The following NINL variants were observed in gnomAD, a reference collection of about 807,000 sequenced individuals.
NINL encodes ninein like, also known as ninein-like protein.
Under a neutral mutation model 160.3 loss-of-function variants are expected in NINL, and 153 were observed. The observed-to-expected ratio is 0.95, with a 90% confidence interval of 0.84 to 1.09. The LOEUF (loss-of-function observed/expected upper bound fraction) is 1.09. Ranked by LOEUF, NINL falls within the 50% of genes least tolerant of loss-of-function variation. NINL has a pLI of 0.00. For synonymous variants in NINL, 800 were observed against 734.8 expected, an observed-to-expected ratio of 1.09 and a Z score of -1.43; for missense variants, 1,829 against 1,764.0, an observed-to-expected ratio of 1.04 and a Z score of -0.66.
intron 1 of NINL, among the ~76,000 whole-genome samples, chr20:25,532,127 C>T (rs1404551108): frequency 1.3e-5 from 2 of 152,188 alleles, no homozygotes; most frequent in Non-Finnish European, 2.9e-5. Context: ...AAGGAAAGAC[C>T]CTGCCATGGC....
chr20:25,562,435 T>C (rs62211506), intron 1 of NINL, among the ~76,000 whole-genome samples: 1 of 122,090 alleles, frequency 8.2e-6, no homozygotes, highest in Non-Finnish European at 1.7e-5. Context: ...AGACTTTTCA[T>C]TTTGTTCTGT....
At chr20:25,475,794 G>A (rs1204914424) in intron 17 of NINL, among the ~76,000 whole-genome samples, 3 of 152,296 alleles carry the variant, frequency 2.0e-5, no homozygotes, top group Admixed American at 2.0e-4. Context: ...CGGAAGGTGG[G>A]TTCAGGACCC....
intron 17 of NINL, among the ~76,000 whole-genome samples, chr20:25,475,597 C>A (rs144265913): frequency 5.5e-4 from 84 of 152,284 alleles, no homozygotes; most frequent in Non-Finnish European, 1.0e-3. Flanking sequence ...GAGGGCCGGG[C>A]GCAGTGGCTC....
chr20:25,496,588 C>A (rs1419397557), intron 10 of NINL, 75 bp downstream of exon 10: 2 of 1,560,816 alleles, frequency 1.3e-6, no homozygotes, highest in Non-Finnish European at 8.7e-7. Flanking sequence ...CCCTGGCAGC[C>A]CTGTGTCCAC....
At chr20:25,517,882 C>A in intron 2 of NINL, 33 bp from the exon 3 acceptor site, 1 of 1,380,972 alleles carries the variant, frequency 7.2e-7, no homozygotes, top group Admixed American at 2.1e-5. Context: ...AGGACAATGT[C>A]ACTTTCAACA....
At chr20:25,490,563 GAAA>G (rs59001259) in intron 11 of NINL, among the ~76,000 whole-genome samples, 1 of 79,782 alleles carries the variant, frequency 1.3e-5, no homozygotes, top group Non-Finnish European at 2.7e-5. Context: ...CCATCTCAAG[GAAA>G]AAAAAAAAAA....
At chr20:25,530,120 A>C (rs1449852654) in intron 1 of NINL, among the ~76,000 whole-genome samples, 1 of 152,234 alleles carries the variant, frequency 6.6e-6, no homozygotes, top group Non-Finnish European at 1.5e-5. Context: ...CATATAAAAT[A>C]AAGAACATAA....
intron 21 of NINL, 185 bp from the exon 22 acceptor site, chr20:25,458,714 C>CA: frequency 3.1e-6 from 2 of 640,678 alleles, no homozygotes; most frequent in Non-Finnish European, 5.3e-6. Context: ...AGGCTGCTGT[C>CA]AGCCAGCGCT....
chr20:25,486,275 TCTGAATA>T (rs1341201520), intron 13 of NINL, among the ~76,000 whole-genome samples: 1 of 152,194 alleles, frequency 6.6e-6, no homozygotes, highest in African/African-American at 2.4e-5. Flanking sequence ...AGGGGAAATA[TCTGAATA>T]AATAGGTTAG....
rs368994758 is a variant in NINL at position 25,512,879 on chromosome 20, G to C, written c.405C>G (p.Ser135Arg). The change falls in exon 4 of 24, where the codon AGC becomes AGG. Residue 135 changes from serine to arginine, a missense_variant. Coordinates refer to ENST00000278886, the MANE Select transcript of NINL (RefSeq NM_025176.6). ...CTGAGCGCCAGAGGTGACTTTTCAG[G>C]CTGGCCTGGGTTTGCTGCTCCGGCA... Reference protein sequence around the residue: ...RRVPEQQTQASLKSHLWRSAS... With the variant: ...RRVPEQQTQARLKSHLWRSAS... 12 of 1,614,030 alleles carry C rather than the reference G, an allele frequency of 7.4e-6. No homozygotes were observed. The African/African-American group carries it at 1.6e-4, about 22-fold the overall frequency.
chr20:25,495,465 T>C (rs747602403), intron 10 of NINL, among the ~76,000 whole-genome samples: 2 of 152,072 alleles, frequency 1.3e-5, no homozygotes, highest in Non-Finnish European at 2.9e-5. Context: ...TGTTGTGCAA[T>C]GCAGAGGGTG....
At chr20:25,510,839 G>T in intron 4 of NINL, 99 bp from the exon 5 acceptor site, 1 of 909,670 alleles carries the variant, frequency 1.1e-6, no homozygotes, top group Non-Finnish European at 1.7e-6. Context: ...GGAAGTGGGG[G>T]ATGGCTGAGT....
intron 1 of NINL, among the ~76,000 whole-genome samples, chr20:25,562,175 G>A (rs2064951184): frequency 1.4e-5 from 2 of 146,060 alleles, no homozygotes; most frequent in African/African-American, 2.5e-5. Flanking sequence ...GGGAGGTGGG[G>A]GGTCAGCCCC....
chr20:25,471,088 T>C (rs919982295), intron 17 of NINL, among the ~76,000 whole-genome samples: 10 of 152,108 alleles, frequency 6.6e-5, no homozygotes, highest in African/African-American at 1.7e-4. Flanking sequence ...GGCACGATCA[T>C]GGCTCACTGC....
rs574723195 is a variant in NINL at position 25,463,872 on chromosome 20, C to T, written c.3424-1331G>A. On this transcript the variant is annotated intron_variant, in intron 19 of 23. Transcript: ENST00000278886. ...GCAAATTAACCTCACCTCATCCCTT[C>T]CCTAGAACCTCAAGCCTCAGGTTAA... Among the ~76,000 whole-genome samples the T allele has an allele frequency of 7.9e-5, 12 of 152,340 alleles. No individual in the cohort carries two copies. In the South Asian group the frequency reaches 1.9e-3, roughly 24 times the overall value.
At chr20:25,549,368 C>T (rs561880934) in intron 1 of NINL, among the ~76,000 whole-genome samples, 2 of 151,876 alleles carry the variant, frequency 1.3e-5, no homozygotes, top group East Asian at 1.9e-4. Flanking sequence ...GACCCCGGCA[C>T]CCATGGCCAC....
intron 3 of NINL, 59 bp from the exon 4 acceptor site, chr20:25,513,065 G>A: frequency 6.5e-7 from 1 of 1,529,022 alleles, no homozygotes; most frequent in Non-Finnish European, 8.9e-7. Context: ...GGCCCATGCA[G>A]GCCAGCAGGT....
chr20:25,526,730 G>C (rs1169077341), intron 1 of NINL, 132 bp from the exon 2 acceptor site: 39 of 917,906 alleles, frequency 4.2e-5, no homozygotes, highest in Non-Finnish European at 4.9e-5. Context: ...GAAGGCACCA[G>C]GGACCCTTGC....
At chr20:25,574,081 G>C (rs1387342303) in intron 1 of NINL, among the ~76,000 whole-genome samples, 1 of 152,190 alleles carries the variant, frequency 6.6e-6, no homozygotes, top group Non-Finnish European at 1.5e-5. Context: ...TGACGTCTGC[G>C]CTCAGAGCTG....
Sources: gnomAD v4.1 joint callset for allele counts (sites outside exome capture counted in the v4.1 genomes callset) on GRCh38, gnomAD v4.1.1 for gene constraint, MANE v1.5 for transcripts, NCBI Gene and HGNC (gene_info 2026-07-23, HGNC 2026-07-21) for gene names.